FOXP1: variants seen among roughly 807,000 people sequenced by gnomAD.
The protein encoded by FOXP1 is forkhead box P1.
FOXP1 carries 15 observed loss-of-function variants against 98.2 expected under a neutral mutation model. That is an observed-to-expected ratio of 0.15 (90% CI 0.10 to 0.24). FOXP1 has a LOEUF of 0.24. FOXP1 is among the 10% of genes least tolerant of loss of function. FOXP1 has a pLI of 1.00. For missense variants in FOXP1, 633 were observed against 848.5 expected (o/e 0.75, Z 3.15); for synonymous variants, 371 against 314.5 (o/e 1.18, Z -1.90).
intron 3 of FOXP1, among the ~76,000 whole-genome samples, chr3:71,471,315 C>A (rs1411559831): frequency 6.6e-6 from 1 of 151,060 alleles, no homozygotes; most frequent in Non-Finnish European, 1.5e-5. Context: ...TAAACATACA[C>A]CAAAAATTAA....
intron 2 of FOXP1, among the ~76,000 whole-genome samples, chr3:71,511,140 C>G (rs899072666): frequency 1.3e-5 from 2 of 152,014 alleles, no homozygotes; most frequent in South Asian, 4.2e-4. Context: ...CCCATAAGTC[C>G]TTTTGTATGA....
rs555917625 is a variant in FOXP1 at position 71,299,396 on chromosome 3, T to C, written c.-12+424A>G. On this transcript the variant is annotated intron_variant, in intron 5 of 20. Coordinates refer to ENST00000649528, the MANE Select transcript of FOXP1 (RefSeq NM_001349338.3). ...GTTAATTTCTGAAAGAAGGTGATTA[T>C]AAAGCCGCCAGATGAACATCAATTG... Among the ~76,000 whole-genome samples the C allele has an allele frequency of 2.0e-5, 3 of 152,288 alleles. No individual in the cohort carries two copies. The East Asian group carries it at 5.8e-4, about 29-fold the overall frequency.
At chr3:71,460,349 C>T (rs953002035) in intron 3 of FOXP1, among the ~76,000 whole-genome samples, 2 of 152,132 alleles carry the variant, frequency 1.3e-5, no homozygotes, top group African/African-American at 4.8e-5. Flanking sequence ...AAGCGATTCT[C>T]CTGCCTCAGC....
At chr3:71,370,903 G>A (rs2079263523) in intron 3 of FOXP1, among the ~76,000 whole-genome samples, 1 of 149,372 alleles carries the variant, frequency 6.7e-6, no homozygotes, top group Non-Finnish European at 1.5e-5. Context: ...CCGGGTTCAA[G>A]CAATTCTCCT....
At chr3:71,531,201 G>C (rs777362273) in intron 2 of FOXP1, among the ~76,000 whole-genome samples, 7 of 152,234 alleles carry the variant, frequency 4.6e-5, no homozygotes, top group Non-Finnish European at 1.0e-4. Context: ...CAAAGTAGGA[G>C]ATATCGGTTC....
At chr3:71,463,974 G>A (rs1192807156) in intron 3 of FOXP1, among the ~76,000 whole-genome samples, 1 of 152,184 alleles carries the variant, frequency 6.6e-6, no homozygotes, top group Non-Finnish European at 1.5e-5. Context: ...ATCTGTAAAT[G>A]AGGTACACTA....
intron 5 of FOXP1, among the ~76,000 whole-genome samples, chr3:71,278,023 T>C (rs1173340771): frequency 6.6e-6 from 1 of 152,056 alleles, no homozygotes; most frequent in African/African-American, 2.4e-5. Flanking sequence ...GTCACTTGGA[T>C]TGCCTACTTC....
chr3:71,513,865 G>A (rs2042375069), intron 2 of FOXP1, among the ~76,000 whole-genome samples: 1 of 152,192 alleles, frequency 6.6e-6, no homozygotes, highest in Admixed American at 6.5e-5. Context: ...CTTAAGGCTA[G>A]CTCTACCTAT....
chr3:71,391,670 G>C (rs750989430), intron 3 of FOXP1, among the ~76,000 whole-genome samples: 5 of 152,228 alleles, frequency 3.3e-5, no homozygotes, highest in African/African-American at 4.8e-5. Flanking sequence ...TGAATGAACG[G>C]ATTGCCCACT....
intron 6 of FOXP1, among the ~76,000 whole-genome samples, chr3:71,124,774 A>T (rs1224586565): frequency 6.6e-6 from 1 of 152,258 alleles, no homozygotes; most frequent in Admixed American, 6.5e-5. Context: ...AATGGAAACT[A>T]AAACTATTAT....
At chr3:71,042,034 G>A (rs916502557) in intron 10 of FOXP1, among the ~76,000 whole-genome samples, 30 of 151,898 alleles carry the variant, frequency 2.0e-4, no homozygotes, top group East Asian at 9.6e-4. Flanking sequence ...AATTCATATC[G>A]TCTTCCTGAA....
intron 12 of FOXP1, among the ~76,000 whole-genome samples, chr3:71,005,323 A>AAC (rs2042635032): frequency 7.0e-6 from 1 of 143,830 alleles, no homozygotes; most frequent in African/African-American, 2.7e-5. Context: ...TTAAAAAAAA[A>AAC]AAAAAAAAAA....
intron 11 of FOXP1, among the ~76,000 whole-genome samples, chr3:71,030,470 TTC>T: frequency 6.6e-6 from 1 of 152,216 alleles, no homozygotes; most frequent in East Asian, 1.9e-4. Flanking sequence ...TTCCTACTTT[TTC>T]TGTTTCCAGA....
intron 4 of FOXP1, among the ~76,000 whole-genome samples, chr3:71,307,959 G>A (rs1171094353): frequency 6.6e-6 from 1 of 152,212 alleles, no homozygotes; most frequent in Non-Finnish European, 1.5e-5. Flanking sequence ...AGGGATCCAT[G>A]CATTGCGGCC....
chr3:71,523,422 C>G (rs1304185708), intron 2 of FOXP1, among the ~76,000 whole-genome samples: 2 of 152,126 alleles, frequency 1.3e-5, no homozygotes, highest in African/African-American at 4.8e-5. Context: ...AACAGTAACC[C>G]TTTATTTTTA....
At chr3:71,003,892 C>G (rs979756043) in intron 12 of FOXP1, among the ~76,000 whole-genome samples, 1 of 152,002 alleles carries the variant, frequency 6.6e-6, no homozygotes, top group South Asian at 2.1e-4. Context: ...TAAATTATAT[C>G]ACATCTTCAG....
chr3:71,090,567 A>C (rs1169609561), intron 7 of FOXP1, among the ~76,000 whole-genome samples: 5 of 152,244 alleles, frequency 3.3e-5, no homozygotes, highest in African/African-American at 1.2e-4. Context: ...AAGACACAAT[A>C]AAATGAGCAT....
In FOXP1 at chr3:70,972,720, A is replaced by AAAAGACTCCAAAAACAGC. The variant is rs778589031; in HGVS notation, c.1531-62_1531-45dup. On this transcript the variant is annotated intron_variant, in intron 17 of 20. Transcript: ENST00000649528. ...AGAGAACATTTACATTTTCTATAAG[A>AAAAGACTCCAAAAACAGC]AAAGACTCCAAAAACAGCAGTAAAT... 1.2e-5 allele frequency: 19 copies of AAAAGACTCCAAAAACAGC among 1,602,772 alleles called. No individual in the cohort carries two copies. In the African/African-American group the frequency reaches 2.4e-4, roughly 20 times the overall value.
intron 6 of FOXP1, among the ~76,000 whole-genome samples, chr3:71,135,727 G>C (rs2059790353): frequency 6.6e-6 from 1 of 152,178 alleles, no homozygotes; most frequent in Non-Finnish European, 1.5e-5. Flanking sequence ...GGCCTGCCCA[G>C]AGCCAGTGAA....
Sources: gnomAD v4.1 joint callset for allele counts (sites outside exome capture counted in the v4.1 genomes callset) on GRCh38, gnomAD v4.1.1 for gene constraint, MANE v1.5 for transcripts, NCBI Gene and HGNC (gene_info 2026-07-23, HGNC 2026-07-21) for gene names.